The following ACOT7 variants were observed in gnomAD, a reference collection of about 807,000 sequenced individuals.
ACOT7 encodes the protein acyl-CoA thioesterase 7, also known as cytosolic acyl coenzyme A thioester hydrolase.
A neutral mutation model predicts 40.2 loss-of-function variants in ACOT7; 12 were observed. That is an observed-to-expected ratio of 0.30 (90% CI 0.19 to 0.48). The LOEUF is 0.48. Among genes scored for constraint, ACOT7 ranks in the 20% least tolerant of loss-of-function variants. The pLI is 0.99. For missense variants in ACOT7, 395 were observed against 530.8 expected (o/e 0.74, Z 2.51); for synonymous variants, 228 against 219.5 (o/e 1.04, Z -0.34).
chr1:6,310,173 T>C (rs1434874599), intron 6 of ACOT7, among the ~76,000 whole-genome samples: 1 of 152,226 alleles, frequency 6.6e-6, no homozygotes, highest in Admixed American at 6.5e-5. Flanking sequence ...TTAGAAAATC[T>C]GTCAGTTGCC....
intron 8 of ACOT7, among the ~76,000 whole-genome samples, chr1:6,271,346 A>C (rs919610089): frequency 6.6e-6 from 1 of 152,206 alleles, no homozygotes; most frequent in African/African-American, 2.4e-5. Context: ...TGTAAGCCTG[A>C]GGGACACAGA....
intron 5 of ACOT7, among the ~76,000 whole-genome samples, chr1:6,324,089 C>A (rs1448156527): frequency 6.6e-6 from 1 of 152,006 alleles, no homozygotes; most frequent in African/African-American, 2.4e-5. Context: ...GACCCGGACG[C>A]CCCTGCCAAA....
chr1:6,336,333 CA>C (rs3029068), intron 3 of ACOT7, among the ~76,000 whole-genome samples: 5,516 of 52,740 alleles, frequency 0.1, 145 homozygotes, highest in East Asian at 0.43. Context: ...GACTCGGTCT[CA>C]AAAAAAAAAA....
At chr1:6,268,715 G>A (rs1011498864) in intron 8 of ACOT7, among the ~76,000 whole-genome samples, 3 of 152,250 alleles carry the variant, frequency 2.0e-5, no homozygotes, top group African/African-American at 4.8e-5. Flanking sequence ...GCCCAAGAGC[G>A]AGAAAACCTC....
chr1:6,332,252 C>T (rs1439968590), intron 4 of ACOT7, among the ~76,000 whole-genome samples: 1 of 152,236 alleles, frequency 6.6e-6, no homozygotes, highest in East Asian at 1.9e-4. Context: ...AATCCTGGTT[C>T]CTTCCCTCTA....
Position 6,393,576 on chromosome 1 carries a change from G to A in ACOT7, c.-177C>T, listed in dbSNP as rs925969741. ...CGCGCGGGCGTACGATTCTGGCGGCGTGGGGGCCCAGGCAGCCGCCGCTTC... is the reference window on the plus strand; with the variant it reads ...CGCGCGGGCGTACGATTCTGGCGGCATGGGGGCCCAGGCAGCCGCCGCTTC... On this transcript the variant is annotated 5_prime_UTR_variant, in exon 1 of 9. In the 5' UTR this introduces an upstream ATG that the reference lacks. Coordinates refer to ENST00000361521, the MANE Select transcript of ACOT7 (RefSeq NM_007274.4). 1 of 492,928 alleles carries A rather than the reference G, an allele frequency of 2.0e-6. No homozygotes were observed. Among genetic ancestry groups the A allele is most frequent in the Non-Finnish European group, 3.0e-6 (1 of 329,416 alleles). 30.5% of individuals were successfully genotyped at this position (492,928 alleles called of 1,614,324 possible).
intron 1 of ACOT7, among the ~76,000 whole-genome samples, chr1:6,370,379 C>A (rs1232030506): frequency 6.6e-6 from 1 of 151,986 alleles, no homozygotes; most frequent in South Asian, 2.1e-4. Flanking sequence ...CCAGCAGGCA[C>A]GAAAACAAAA....
intron 1 of ACOT7, among the ~76,000 whole-genome samples, chr1:6,380,713 C>CAAAA (rs61258408): frequency 3.2e-4 from 34 of 105,936 alleles, no homozygotes; most frequent in African/African-American, 8.3e-4. Context: ...ATAGCATATA[C>CAAAA]AAAAAAAAAA....
chr1:6,344,891 C>T (rs1641378606), intron 2 of ACOT7, among the ~76,000 whole-genome samples: 1 of 151,412 alleles, frequency 6.6e-6, no homozygotes, highest in Non-Finnish European at 1.5e-5. Context: ...TTTTGTTTTA[C>T]TATCTGGCAG....
chr1:6,293,394 A>G (rs7516068), intron 7 of ACOT7, among the ~76,000 whole-genome samples: 18,147 of 152,198 alleles, frequency 0.12, 1,890 homozygotes, highest in African/African-American at 0.27. Context: ...GTCACGCACC[A>G]CACAGGCCTG....
rs1642578317 is a variant in ACOT7 at position 6,393,612 on chromosome 1, G to GGTGGCGGTTGGGCC, written c.-227_-214dup. On this transcript the variant is annotated 5_prime_UTR_variant, in exon 1 of 9. Coordinates refer to ENST00000361521, the MANE Select transcript of ACOT7 (RefSeq NM_007274.4). ...GGCAGCCGCCGCTTCCAGAAGGTTC[G>GGTGGCGGTTGGGCC]GTGGCGGTTGGGCCGCGCCGGTGCG... 2.8e-6 allele frequency: 1 copy of GGTGGCGGTTGGGCC among 352,768 alleles called. No individual in the cohort carries two copies. The highest frequency in any genetic ancestry group is 5.2e-5 in the East Asian group (1 of 19,250). The allele number at this position is 352,768 out of a possible 1,614,324, so 21.9% of individuals were successfully genotyped here.
At chr1:6,277,372 C>A (rs1487432455) in intron 8 of ACOT7, among the ~76,000 whole-genome samples, 1 of 152,218 alleles carries the variant, frequency 6.6e-6, no homozygotes, top group African/African-American at 2.4e-5. Context: ...TGGGAGGATG[C>A]CCCCCACTAT....
rs948805596 is a variant in ACOT7 at position 6,278,452 on chromosome 1, G to A, written c.1014+2650C>T. Among the ~76,000 whole-genome samples, 1 of 152,172 alleles carries A rather than the reference G, an allele frequency of 6.6e-6. No individual in the cohort carries two copies. Among genetic ancestry groups the A allele is most frequent in the Non-Finnish European group, 1.5e-5 (1 of 68,026 alleles). ...AGTAAGAGCTGTTCGGGAGAGGAGT[G>A]GAGCGGCACTGGGTGGGCGTGGGCA... is the stretch of plus-strand genomic sequence containing the variant. On this transcript the variant is annotated intron_variant, in intron 8 of 8. Coordinates refer to ENST00000361521, the MANE Select transcript of ACOT7 (RefSeq NM_007274.4). This position sits in a 1 kb window ranked among gnomAD's most constrained non-coding sequence, Gnocchi z 4.1.
intron 1 of ACOT7, among the ~76,000 whole-genome samples, chr1:6,369,182 T>C (rs536995750): frequency 6.6e-6 from 1 of 151,940 alleles, no homozygotes; most frequent in Admixed American, 6.6e-5. Context: ...GGTTTCACCA[T>C]GTTGGCCAGG....
In ACOT7 at chr1:6,370,483, A is replaced by G. The variant is rs563228573; in HGVS notation, c.144-20617T>C. On this transcript the variant is annotated intron_variant, in intron 1 of 8. Coordinates refer to ENST00000361521, the MANE Select transcript of ACOT7 (RefSeq NM_007274.4). Reference sequence around the variant, plus strand: ...TATTATTATTATTATTATTATTATTATTATTATTATTATTATTATTATTTG... The same window carrying G: ...TATTATTATTATTATTATTATTATTGTTATTATTATTATTATTATTATTTG... 8.1e-5 allele frequency among the ~76,000 whole-genome samples: 12 copies of G among 147,456 alleles called. No individual in the cohort carries two copies. The East Asian group carries it at 2.4e-3, about 29-fold the overall frequency.
At chr1:6,296,225 G>A (rs1032817751) in intron 6 of ACOT7, among the ~76,000 whole-genome samples, 2 of 152,174 alleles carry the variant, frequency 1.3e-5, no homozygotes, top group African/African-American at 4.8e-5. Flanking sequence ...TGTGTGGTAT[G>A]TGGATCATCG....
In ACOT7 at chr1:6,358,806, A is replaced by AGTACC. The variant is rs1329701749; in HGVS notation, c.144-8941_144-8940insGGTAC. ...ACAGTGGCCCCTGCACGGCCTAGAC[A>AGTACC]TGCCCATGACTGGCAGTACCTGCTC... is the stretch of plus-strand genomic sequence containing the variant. On this transcript the variant is annotated intron_variant, in intron 1 of 8. Transcript: ENST00000361521. The surrounding 1 kb of genome is among the most constrained non-coding windows in gnomAD (Gnocchi z 4.1). 1.9e-6 allele frequency: 3 copies of AGTACC among 1,612,294 alleles called. No homozygotes were observed. The highest frequency in any genetic ancestry group is 2.5e-6 in the Non-Finnish European group (3 of 1,178,440).
chr1:6,294,095 C>G lies in ACOT7; in HGVS notation c.829+769G>C, dbSNP rs976606100. ...CAAGCCGCTTTAATGAGGTGGTGTC[C>G]TCAGAATCAGCACCAGGCCCTGACG... On this transcript the variant is annotated intron_variant, in intron 7 of 8. Transcript: ENST00000361521. This position sits in a 1 kb window ranked among gnomAD's most constrained non-coding sequence, Gnocchi z 4.6. 2.0e-5 allele frequency among the ~76,000 whole-genome samples: 3 copies of G among 152,246 alleles called. No individual in the cohort carries two copies. The highest frequency in any genetic ancestry group is 4.4e-5 in the Non-Finnish European group (3 of 68,046).
At chr1:6,383,822 A>T (rs1240057641) in intron 1 of ACOT7, among the ~76,000 whole-genome samples, 1 of 151,774 alleles carries the variant, frequency 6.6e-6, no homozygotes, top group Non-Finnish European at 1.5e-5. Context: ...CTCCTGCCTC[A>T]GCATCCCAAG....
Sources: allele counts gnomAD v4.1 joint callset (sites outside exome capture counted in the v4.1 genomes callset), GRCh38; gene constraint gnomAD v4.1.1; non-coding constraint Gnocchi (gnomAD v3.1); transcripts MANE v1.5; gene names NCBI Gene and HGNC (gene_info 2026-07-23, HGNC 2026-07-21).